The following DNAAF9 variants were observed in gnomAD, a reference collection of about 807,000 sequenced individuals.
The protein encoded by DNAAF9 is dynein axonemal assembly factor 9.
DNAAF9 carries 90 observed loss-of-function variants against 167.0 expected under a neutral mutation model. That is an observed-to-expected ratio of 0.54 (90% confidence interval 0.45 to 0.64). The LOEUF is 0.64. Among genes scored for constraint, DNAAF9 ranks in the 30% least tolerant of loss-of-function variants. The pLI is 0.00. For missense variants in DNAAF9, 1,315 were observed against 1,442.2 expected (o/e 0.91, Z 1.43); for synonymous variants, 491 against 508.8 (o/e 0.96, Z 0.47).
chr20:3,328,312 G>T (rs6051748), intron 12 of DNAAF9, among the ~76,000 whole-genome samples: 29,841 of 151,836 alleles, frequency 0.2, 3,131 homozygotes, highest in African/African-American at 0.25. Flanking sequence ...CTCCTGAGTA[G>T]CTGTGATTAC....
At position 3,318,382 on chromosome 20, in the gene DNAAF9, C is replaced by T; in HGVS notation, c.1375G>A (p.Asp459Asn). 6.3e-7 allele frequency: 1 copy of T among 1,585,436 alleles called. No homozygotes were observed. The highest frequency in any genetic ancestry group is 8.7e-7 in the Non-Finnish European group (1 of 1,154,302). Residue 459 changes from aspartate (D) to asparagine (N), a missense_variant, in exon 17 of 37, where the codon GAC (aspartate) becomes AAC (asparagine). Physicochemically the swap from Asp to Asn is conservative, Grantham distance 23. Transcript: ENST00000252032. ...FVKTACMAVY[D>N]IPDLLGGNGC... Reference sequence around the variant, plus strand: ...TTGCCTCCCAGTAAGTCAGGAATGTCATAGACGGCCATACAAGCCTGCATT... The same window carrying T: ...TTGCCTCCCAGTAAGTCAGGAATGTTATAGACGGCCATACAAGCCTGCATT...
rs200058609 is a variant in DNAAF9 at position 3,326,240 on chromosome 20, A to G, written c.1145T>C (p.Leu382Ser). 3 of 1,613,714 alleles carry G rather than the reference A, an allele frequency of 1.9e-6. No individual in the cohort carries two copies. The highest frequency in any genetic ancestry group is 2.7e-5 in the African/African-American group (2 of 75,056). ...QIYAAVIEAV[L>S]AGIACYAKTS... ...TTTAGCATAACATGCAATGCCAGCC[A>G]AAACAGCCTCAATAACAGCAGCATA... Residue 382 changes from leucine to serine, a missense_variant, in exon 13 of 37, where the codon TTG (leucine) becomes TCG (serine). By Grantham distance (145) the Leu-to-Ser change is moderately radical. This residue lies in a region of DNAAF9 where 981 missense variants were observed against 1,012.5 expected (regional missense o/e 0.97). Transcript: ENST00000252032.
intron 30 of DNAAF9, among the ~76,000 whole-genome samples, chr20:3,266,175 T>G (rs1054938156): frequency 1.4e-4 from 21 of 152,246 alleles, no homozygotes; most frequent in African/African-American, 5.1e-4. Flanking sequence ...TGGTGTTGCA[T>G]CCTTCCCACT....
intron 35 of DNAAF9, 135 bp from the exon 36 acceptor site, chr20:3,253,954 C>T: frequency 1.6e-6 from 1 of 614,992 alleles, no homozygotes; most frequent in Non-Finnish European, 2.9e-6. Context: ...GCTAACACCC[C>T]CGGCAAACCT....
intron 7 of DNAAF9, among the ~76,000 whole-genome samples, chr20:3,350,604 C>G (rs1012641558): frequency 6.6e-6 from 1 of 152,154 alleles, no homozygotes; most frequent in Non-Finnish European, 1.5e-5. Flanking sequence ...TGAAATACCA[C>G]TTCTCATTCA....
At chr20:3,376,143 T>A (rs147689887) in intron 4 of DNAAF9, 35 bp downstream of exon 4, 1 of 1,592,020 alleles carries the variant, frequency 6.3e-7, no homozygotes, top group Non-Finnish European at 8.6e-7. Context: ...ATTCTTAGAG[T>A]GTCTCTAGGT....
intron 29 of DNAAF9, among the ~76,000 whole-genome samples, chr20:3,273,132 G>A (rs903677486): frequency 6.6e-6 from 1 of 152,192 alleles, no homozygotes; most frequent in Non-Finnish European, 1.5e-5. Flanking sequence ...CGCCCGGTGA[G>A]AGTAGGTTTA....
chr20:3,338,163 AT>A (rs1351998500), intron 10 of DNAAF9, among the ~76,000 whole-genome samples: 1 of 151,808 alleles, frequency 6.6e-6, no homozygotes, highest in Non-Finnish European at 1.5e-5. Context: ...CTAGTGATAA[AT>A]TCAATTTTTT....
intron 20 of DNAAF9, among the ~76,000 whole-genome samples, chr20:3,314,245 T>C (rs1463283958): frequency 2.6e-5 from 4 of 152,194 alleles, no homozygotes; most frequent in East Asian, 3.9e-4. Context: ...CTTTGAACTG[T>C]AGCCATAATG....
At chr20:3,370,982 C>T (rs1360057019) in intron 6 of DNAAF9, among the ~76,000 whole-genome samples, 1 of 152,114 alleles carries the variant, frequency 6.6e-6, no homozygotes, top group Non-Finnish European at 1.5e-5. Context: ...ACATAACAAC[C>T]TTTAATTTAA....
intron 12 of DNAAF9, among the ~76,000 whole-genome samples, chr20:3,329,675 T>A (rs937044628): frequency 3.9e-5 from 6 of 152,252 alleles, no homozygotes; most frequent in Non-Finnish European, 8.8e-5. Flanking sequence ...GATCTTTAGA[T>A]AATCCTTTGT....
intron 25 of DNAAF9, among the ~76,000 whole-genome samples, 173 bp downstream of exon 25, chr20:3,293,961 AGTCAT>A (rs1282430124): frequency 6.6e-6 from 1 of 150,976 alleles, no homozygotes; most frequent in African/African-American, 2.5e-5. Context: ...CACCTGACAC[AGTCAT>A]TGTATACAGC....
chr20:3,294,302 C>T (rs2069023691), intron 24 of DNAAF9, 46 bp from the exon 25 acceptor site: 1 of 1,229,492 alleles, frequency 8.1e-7, no homozygotes. Context: ...CCTAGCCTGT[C>T]CTGAAGGTGC....
intron 29 of DNAAF9, among the ~76,000 whole-genome samples, chr20:3,271,848 C>T (rs1476040543): frequency 4.6e-5 from 7 of 151,780 alleles, no homozygotes; most frequent in African/African-American, 1.2e-4. Flanking sequence ...CTCGAACTCC[C>T]GACCTCGTGA....
rs368893395 is a variant in DNAAF9, at chr20:3,333,567, A to G, written c.982-1206T>C. 2.9e-3 allele frequency among the ~76,000 whole-genome samples: 435 copies of G among 152,374 alleles called. 1 individual carries two copies. The highest frequency in any genetic ancestry group is 0.01 in the African/African-American group (421 of 41,584). Reference sequence around the variant, plus strand: ...TATAAAAAAGTTACTAATAGTGAACATCATCAATATTGCCATGACAATGAA... The same window carrying G: ...TATAAAAAAGTTACTAATAGTGAACGTCATCAATATTGCCATGACAATGAA... On this transcript the variant is annotated intron_variant, in intron 10 of 36. Coordinates refer to ENST00000252032, the MANE Select transcript of DNAAF9 (RefSeq NM_001009984.3).
chr20:3,362,852 G>C (rs559122951), intron 6 of DNAAF9, among the ~76,000 whole-genome samples: 1 of 152,268 alleles, frequency 6.6e-6, no homozygotes, highest in African/African-American at 2.4e-5. Context: ...TCAGTTGATG[G>C]ATTTTGCTCT....
At chr20:3,403,724 T>A (rs1383476890) in intron 1 of DNAAF9, among the ~76,000 whole-genome samples, 6 of 152,084 alleles carry the variant, frequency 3.9e-5, no homozygotes, top group Non-Finnish European at 5.9e-5. Context: ...GCCCCATTAC[T>A]CTACTCTCCT....
chr20:3,295,635 G>T, intron 23 of DNAAF9: 1 of 472,800 alleles, frequency 2.1e-6, no homozygotes, highest in South Asian at 1.7e-5. Context: ...CGTGAGGATG[G>T]GAGGTGGGGC....
At chr20:3,397,610 G>A (rs192921386) in intron 1 of DNAAF9, among the ~76,000 whole-genome samples, 28 of 152,150 alleles carry the variant, frequency 1.8e-4, no homozygotes, top group African/African-American at 6.5e-4. Flanking sequence ...GAGCCACCAC[G>A]CCCAGCCTTA....
Sources: allele counts gnomAD v4.1 joint callset (sites outside exome capture counted in the v4.1 genomes callset), GRCh38; gene constraint gnomAD v4.1.1; regional missense constraint gnomAD v4.1.1; transcripts MANE v1.5; gene names NCBI Gene and HGNC (gene_info 2026-07-23, HGNC 2026-07-21).